FRY: variants seen among roughly 807,000 people sequenced by gnomAD.
FRY encodes protein furry homolog.
In FRY, 128 loss-of-function variants were observed where a neutral mutation model predicts 348.4. The ratio of observed to expected loss-of-function variants is 0.37; its 90% CI spans 0.32 to 0.43. The LOEUF (loss-of-function observed/expected upper bound fraction) is 0.43. Ranked by LOEUF, FRY falls within the 20% of genes least tolerant of loss-of-function variation. The pLI is 1.00. For synonymous variants in FRY, 1,370 were observed against 1,374.7 expected (o/e 1.00, Z 0.08); for missense variants, 2,736 against 3,695.2 (o/e 0.74, Z 6.73).
At chr13:32,279,646 T>C (rs1209479226) in intron 58 of FRY, among the ~76,000 whole-genome samples, 3 of 152,360 alleles carry the variant, frequency 2.0e-5, no homozygotes, top group Admixed American at 1.3e-4. Context: ...CTCGGAATTA[T>C]GTCATTACTA....
chr13:32,040,282 T>C (rs1315777297), intron 1 of FRY, among the ~76,000 whole-genome samples: 4 of 152,224 alleles, frequency 2.6e-5, no homozygotes. Flanking sequence ...AATACAAGAT[T>C]GGGTTTTTCT....
chr13:32,083,288 T>C (rs1268234880), intron 2 of FRY, among the ~76,000 whole-genome samples: 3 of 152,218 alleles, frequency 2.0e-5, no homozygotes, highest in African/African-American at 4.8e-5. Context: ...TATTTAGTTC[T>C]CTTTGAAAGT....
intron 11 of FRY, among the ~76,000 whole-genome samples, chr13:32,144,940 G>C (rs944022202): frequency 6.6e-6 from 1 of 152,154 alleles, no homozygotes; most frequent in African/African-American, 2.4e-5. Flanking sequence ...TAACGGGCTG[G>C]AATTGAAGGC....
intron 58 of FRY, among the ~76,000 whole-genome samples, chr13:32,285,203 A>G (rs954858406): frequency 2.0e-5 from 3 of 152,184 alleles, no homozygotes; most frequent in Admixed American, 6.5e-5. Context: ...TTCTCAAGGG[A>G]TTATTTTTAG....
chr13:32,278,977 C>T (rs185732684), intron 58 of FRY, among the ~76,000 whole-genome samples: 74 of 152,138 alleles, frequency 4.9e-4, no homozygotes, highest in Admixed American at 1.8e-3. Flanking sequence ...TCCAGTGTGC[C>T]GTACTATAAA....
At chr13:32,156,013 TTTAG>T (rs1223613980) in intron 15 of FRY, among the ~76,000 whole-genome samples, 4 of 152,222 alleles carry the variant, frequency 2.6e-5, no homozygotes, top group African/African-American at 4.8e-5. Flanking sequence ...TTCTTTTTTC[TTTAG>T]TTAAATTTAA....
At chr13:32,247,930 T>C (rs1299945049) in intron 48 of FRY, among the ~76,000 whole-genome samples, 1 of 152,146 alleles carries the variant, frequency 6.6e-6, no homozygotes, top group Non-Finnish European at 1.5e-5. Flanking sequence ...GTCCACACTA[T>C]TTTTTAAACA....
At position 32,072,981 on chromosome 13, in the gene FRY, T is replaced by G. The variant is rs1396116254; in HGVS notation, c.71-5853T>G. ...ATCACCTTTCTATGATGAGTTCTAC[T>G]TTGAATATTTGGTTACCACATATAA... On this transcript the variant is annotated intron_variant, in intron 1 of 60. Coordinates refer to ENST00000542859, the MANE Select transcript of FRY (RefSeq NM_023037.3). 2.6e-5 allele frequency among the ~76,000 whole-genome samples: 4 copies of G among 152,244 alleles called. No individual in the cohort carries two copies. In the East Asian group the frequency reaches 7.7e-4, roughly 29 times the overall value.
intron 58 of FRY, among the ~76,000 whole-genome samples, chr13:32,285,237 G>C (rs1020412910): frequency 1.6e-4 from 24 of 152,278 alleles, no homozygotes; most frequent in Admixed American, 3.9e-4. Context: ...AAAAACATTA[G>C]AACGGGACGG....
At chr13:32,043,106 G>C (rs1459507034) in intron 1 of FRY, among the ~76,000 whole-genome samples, 1 of 152,188 alleles carries the variant, frequency 6.6e-6, no homozygotes, top group Non-Finnish European at 1.5e-5. Context: ...GAAGGTGAAA[G>C]GCACACCTCA....
At chr13:32,046,138 C>A (rs1873005565) in intron 1 of FRY, among the ~76,000 whole-genome samples, 1 of 152,164 alleles carries the variant, frequency 6.6e-6, no homozygotes, top group South Asian at 2.1e-4. Context: ...GAGACTGTCA[C>A]TTCTTGGGCC....
At chr13:32,215,243 A>C (rs766794188) in intron 35 of FRY, among the ~76,000 whole-genome samples, 3 of 152,224 alleles carry the variant, frequency 2.0e-5, no homozygotes, top group Non-Finnish European at 4.4e-5. Context: ...ACAGTAATCT[A>C]TGAAACATTT....
intron 2 of FRY, among the ~76,000 whole-genome samples, chr13:32,087,642 C>A (rs1355812137): frequency 6.6e-6 from 1 of 152,142 alleles, no homozygotes; most frequent in Non-Finnish European, 1.5e-5. Context: ...TTAGGATACA[C>A]CCTATTTTTA....
chr13:32,243,184 A>G (rs567780787), intron 46 of FRY, among the ~76,000 whole-genome samples: 1 of 152,320 alleles, frequency 6.6e-6, no homozygotes, highest in South Asian at 2.1e-4. Flanking sequence ...TTAAAAAGAC[A>G]ATTGTGTATC....
At chr13:32,247,193 T>C (rs1886854593) in intron 47 of FRY, 130 bp from the exon 48 acceptor site, 1 of 715,962 alleles carries the variant, frequency 1.4e-6, no homozygotes, top group East Asian at 2.7e-5. Context: ...TTACTTCTCA[T>C]GGAACCTGCT....
chr13:32,249,452 G>C, intron 48 of FRY, 74 bp from the exon 49 acceptor site: 1 of 1,504,692 alleles, frequency 6.6e-7, no homozygotes, highest in Non-Finnish European at 9.1e-7. Context: ...GCTCTTGGTT[G>C]CTTCTGGGGA....
intron 7 of FRY, among the ~76,000 whole-genome samples, chr13:32,128,744 A>T (rs533935648): frequency 6.6e-6 from 1 of 152,362 alleles, no homozygotes; most frequent in South Asian, 2.1e-4. Context: ...CTTAAAATGT[A>T]AAACCACTTA....
intron 32 of FRY, 129 bp from the exon 33 acceptor site, chr13:32,209,456 A>C (rs1411218180): frequency 1.1e-6 from 1 of 872,860 alleles, no homozygotes; most frequent in Admixed American, 1.8e-5. Flanking sequence ...CATCTTTCTG[A>C]TAAATGGTCA....
At chr13:32,271,140 G>A (rs1047098291) in intron 55 of FRY, among the ~76,000 whole-genome samples, 11 of 152,272 alleles carry the variant, frequency 7.2e-5, no homozygotes, top group Middle Eastern at 6.8e-3. Flanking sequence ...TGAGATGCTG[G>A]TGAGACATAA....
Sources: gnomAD v4.1 joint callset for allele counts (sites outside exome capture counted in the v4.1 genomes callset) on GRCh38, gnomAD v4.1.1 for gene constraint, MANE v1.5 for transcripts, NCBI Gene and HGNC (gene_info 2026-07-23, HGNC 2026-07-21) for gene names.